ATXN10: variants seen among roughly 807,000 people sequenced by gnomAD.
ATXN10 encodes ataxin-10.
Under a neutral mutation model 52.9 loss-of-function variants are expected in ATXN10, and 28 were observed. The ratio of observed to expected loss-of-function variants is 0.53; its 90% CI spans 0.39 to 0.73. The LOEUF is 0.73. Among genes scored for constraint, ATXN10 ranks in the 30% least tolerant of loss-of-function variants. The pLI is 0.00. For synonymous variants in ATXN10, 226 were observed against 221.5 expected (o/e 1.02, Z -0.18); for missense variants, 565 against 577.0 (o/e 0.98, Z 0.21).
At chr22:45,707,165 T>A (rs1924074824) in intron 5 of ATXN10, among the ~76,000 whole-genome samples, 1 of 152,292 alleles carries the variant, frequency 6.6e-6, no homozygotes, top group Admixed American at 6.5e-5. Flanking sequence ...AATCTATTTT[T>A]CCATATCTTT....
rs1926437031 is a variant in ATXN10, at chr22:45,762,605, A to G, written c.1173+22067A>G. ...CTGAAGGGAAGCTGGGCAAGAGTGT[A>G]TGTGTTTAGGCCACAGGGAGAGCAC... On this transcript the variant is annotated intron_variant, in intron 9 of 11. Coordinates refer to ENST00000252934, the MANE Select transcript of ATXN10 (RefSeq NM_013236.4). The surrounding 1 kb of genome is among the most constrained non-coding windows in gnomAD (Gnocchi z 4.3). Among the ~76,000 whole-genome samples, 1 of 152,112 alleles carries G rather than the reference A, an allele frequency of 6.6e-6. No homozygotes were observed. The highest frequency in any genetic ancestry group is 1.5e-5 in the Non-Finnish European group (1 of 68,018).
chr22:45,672,790 G>C (rs1389350122), intron 1 of ATXN10: 1 of 152,508 alleles, frequency 6.6e-6, no homozygotes, highest in African/African-American at 2.4e-5. Context: ...AAAAAGAGAA[G>C]GTGCCCAGGA....
At chr22:45,803,922 A>C (rs1052193118) in intron 9 of ATXN10, among the ~76,000 whole-genome samples, 1 of 152,224 alleles carries the variant, frequency 6.6e-6, no homozygotes, top group South Asian at 2.1e-4. Flanking sequence ...CCCACTCTCT[A>C]TAGTGGTCGA....
chr22:45,688,851 G>T lies in ATXN10; in HGVS notation c.117-861G>T, dbSNP rs1923253301. ...TTCCTTCTAACGTTAAAAGAGATTT[G>T]CTGTTTCTTTAGGGGATTTATGGAA... On this transcript the variant is annotated intron_variant, in intron 1 of 11. Coordinates refer to ENST00000252934, the MANE Select transcript of ATXN10 (RefSeq NM_013236.4). The surrounding 1 kb of genome is among the most constrained non-coding windows in gnomAD (Gnocchi z 4.0). Among the ~76,000 whole-genome samples, 1 of 152,198 alleles carries T rather than the reference G, an allele frequency of 6.6e-6. No individual in the cohort carries two copies. The highest frequency in any genetic ancestry group is 2.4e-5 in the African/African-American group (1 of 41,458).
At position 45,706,032 on chromosome 22, in the gene ATXN10, C is replaced by A. The variant is rs150023411; in HGVS notation, c.647+3185C>A. ...TGCGAGGGATCTAGGTCTCACACTC[C>A]TTATGAGAATCTATTACAACTAATG... On this transcript the variant is annotated intron_variant, in intron 5 of 11. Transcript: ENST00000252934. Among the ~76,000 whole-genome samples the A allele has an allele frequency of 2.0e-4, 30 of 152,306 alleles. No homozygotes were observed. In the East Asian group the frequency reaches 5.0e-3, roughly 25 times the overall value.
intron 9 of ATXN10, chr22:45,793,805 TG>T: frequency 7.6e-7 from 1 of 1,313,324 alleles, no homozygotes; most frequent in Middle Eastern, 2.2e-4. Context: ...GGACTTAGCC[TG>T]GGAAGGTTCT....
At chr22:45,838,528 A>C (rs1929240568) in intron 10 of ATXN10, among the ~76,000 whole-genome samples, 1 of 152,202 alleles carries the variant, frequency 6.6e-6, no homozygotes, top group South Asian at 2.1e-4. Flanking sequence ...GCATACAATA[A>C]AGCACTTCAG....
chr22:45,754,328 A>G lies in ATXN10; in HGVS notation c.1173+13790A>G, dbSNP rs1926099844. Reference sequence around the variant, plus strand: ...TTAACTTGTGAGTCTCCCTTTCTTCATCTGTAAAGTAGAGATGATTTTACT... The same window carrying G: ...TTAACTTGTGAGTCTCCCTTTCTTCGTCTGTAAAGTAGAGATGATTTTACT... On this transcript the variant is annotated intron_variant, in intron 9 of 11. Transcript: ENST00000252934. This position sits in a 1 kb window ranked among gnomAD's most constrained non-coding sequence, Gnocchi z 5.4. Among the ~76,000 whole-genome samples, 1 of 152,192 alleles carries G rather than the reference A, an allele frequency of 6.6e-6. No individual in the cohort carries two copies. The highest frequency in any genetic ancestry group is 1.5e-5 in the Non-Finnish European group (1 of 68,026).
intron 5 of ATXN10, among the ~76,000 whole-genome samples, chr22:45,713,736 C>T (rs1569033204): frequency 1.3e-5 from 2 of 152,194 alleles, no homozygotes; most frequent in Non-Finnish European, 2.9e-5. Context: ...GTTCTTCCAA[C>T]CACAACCCCT....
At position 45,744,963 on chromosome 22, in the gene ATXN10, ATGGTAGGGAG is replaced by A. The variant is rs1925672069; in HGVS notation, c.1173+4426_1173+4435del. 6.6e-6 allele frequency: 1 copy of A among 152,130 alleles called. No homozygotes were observed. The highest frequency in any genetic ancestry group is 1.5e-5 in the Non-Finnish European group (1 of 68,018). The allele number at this position is 152,130 out of a possible 1,614,324, so 9.4% of individuals were successfully genotyped here. A position where few individuals can be genotyped will look rare whatever the true frequency, so the allele number is the denominator to read the frequency against. Reference sequence around the variant, plus strand: ...TTGCTAGACTTCCCTTTACCTCGTCATGGTAGGGAGGTGTCAAATCCTTACTGACTTCTAT... The same window carrying A: ...TTGCTAGACTTCCCTTTACCTCGTCAGTGTCAAATCCTTACTGACTTCTAT... On this transcript the variant is annotated intron_variant, in intron 9 of 11. Transcript: ENST00000252934. The surrounding 1 kb of genome is among the most constrained non-coding windows in gnomAD (Gnocchi z 4.9).
rs188157316 is a variant in ATXN10 at position 45,693,097 on chromosome 22, C to T, written c.391+19C>T. The T allele has an allele frequency of 4.7e-3, 7,444 of 1,599,332 alleles. 39 individuals carry two copies. Among genetic ancestry groups the T allele is most frequent in the South Asian group, 0.011 (1,006 of 90,746 alleles). On this transcript the variant is annotated intron_variant, in intron 3 of 11. Coordinates refer to ENST00000252934, the MANE Select transcript of ATXN10 (RefSeq NM_013236.4). ...TTGACAGGTAGCATGCAATATAATT[C>T]ATGGATTATTTATATCTTTATAAAG...
chr22:45,713,472 C>G (rs978516663), intron 5 of ATXN10, among the ~76,000 whole-genome samples: 1 of 152,070 alleles, frequency 6.6e-6, no homozygotes, highest in South Asian at 2.1e-4. Context: ...CTGAGGAGTT[C>G]CTTAGGCGAA....
At chr22:45,756,668 G>T (rs1926183956) in intron 9 of ATXN10, among the ~76,000 whole-genome samples, 1 of 152,190 alleles carries the variant, frequency 6.6e-6, no homozygotes, top group African/African-American at 2.4e-5. Flanking sequence ...ACTGTGGGGT[G>T]GGGATGGGGG....
At chr22:45,707,410 A>G (rs1323803670) in intron 5 of ATXN10, among the ~76,000 whole-genome samples, 1 of 152,116 alleles carries the variant, frequency 6.6e-6, no homozygotes, top group African/African-American at 2.4e-5. Context: ...AAGTTGGTAC[A>G]TACAATAATA....
At chr22:45,682,428 C>T (rs567793107) in intron 1 of ATXN10, among the ~76,000 whole-genome samples, 1 of 152,206 alleles carries the variant, frequency 6.6e-6, no homozygotes, top group East Asian at 1.9e-4. Flanking sequence ...CCACCCCAGC[C>T]TCCCTTGTAG....
At chr22:45,747,476 C>T (rs1479256512) in intron 9 of ATXN10, among the ~76,000 whole-genome samples, 2 of 150,980 alleles carry the variant, frequency 1.3e-5, no homozygotes, top group Non-Finnish European at 3.0e-5. Flanking sequence ...TGTGTTCTAG[C>T]CTCGGTGAGG....
chr22:45,799,089 T>TTC (rs1474131776), intron 9 of ATXN10, among the ~76,000 whole-genome samples: 1 of 151,198 alleles, frequency 6.6e-6, no homozygotes, highest in African/African-American at 2.4e-5. Context: ...TGTTTTTTGT[T>TTC]TTTCTTTTGA....
rs1184936057 is a variant in ATXN10 at position 45,826,403 on chromosome 22, T to A, written c.1238-16588T>A. On this transcript the variant is annotated intron_variant, in intron 10 of 11. Transcript: ENST00000252934. The surrounding 1 kb of genome is among the most constrained non-coding windows in gnomAD (Gnocchi z 5.0). ...ATCTGAAGAAATAAGGACTGAAAAT[T>A]TTCCACATTTGATGGAAGTCACGAA... Among the ~76,000 whole-genome samples, 2 of 152,142 alleles carry A rather than the reference T, an allele frequency of 1.3e-5. No individual in the cohort carries two copies. The highest frequency in any genetic ancestry group is 2.9e-5 in the Non-Finnish European group (2 of 68,034).
rs1929346169 is a variant in ATXN10, at chr22:45,841,525, G to C, written c.1238-1466G>C. 6.6e-6 allele frequency among the ~76,000 whole-genome samples: 1 copy of C among 152,252 alleles called. No individual in the cohort carries two copies. Among genetic ancestry groups the C allele is most frequent in the African/African-American group, 2.4e-5 (1 of 41,464 alleles). On this transcript the variant is annotated intron_variant, in intron 10 of 11. Transcript: ENST00000252934. This position sits in a 1 kb window ranked among gnomAD's most constrained non-coding sequence, Gnocchi z 5.1. The stretch of plus-strand genomic sequence containing the variant: ...CAGGCCAGGAGCTTAAGTGCTGTGA[G>C]TAGGGAAGCAGAGAGGACCCTGGGC...
Sources: gnomAD v4.1 joint callset for allele counts (sites outside exome capture counted in the v4.1 genomes callset) on GRCh38, gnomAD v4.1.1 for gene constraint, Gnocchi (gnomAD v3.1) non-coding constraint, MANE v1.5 for transcripts, NCBI Gene and HGNC (gene_info 2026-07-23, HGNC 2026-07-21) for gene names.